The following PTP4A1 variants were observed in gnomAD, a reference collection of about 807,000 sequenced individuals.
PTP4A1 encodes the protein protein tyrosine phosphatase 4A1.
In PTP4A1, 9 loss-of-function variants were observed where a neutral mutation model predicts 20.5. That is an observed-to-expected ratio of 0.44 (90% CI 0.26 to 0.77). The LOEUF is 0.77. Ranked by LOEUF, PTP4A1 falls within the 30% of genes least tolerant of loss-of-function variation. The probability of loss-of-function intolerance (pLI) is 0.19; values close to 1 mark genes in which losing one functional copy is unlikely to be tolerated. For missense variants in PTP4A1, 137 were observed against 218.8 expected, an observed-to-expected ratio of 0.63 and a Z score of 2.36; for synonymous variants, 78 against 67.4, an observed-to-expected ratio of 1.16 and a Z score of -0.77.
intron 3 of PTP4A1, among the ~76,000 whole-genome samples, chr6:63,562,362 G>A (rs1371220348): frequency 6.6e-6 from 1 of 151,956 alleles, no homozygotes. Context: ...ACCACACCCA[G>A]CTAATTTTGT....
At chr6:63,528,810 G>A (rs752124366) in intron 2 of PTP4A1, among the ~76,000 whole-genome samples, 1 of 151,852 alleles carries the variant, frequency 6.6e-6, no homozygotes, top group Non-Finnish European at 1.5e-5. Context: ...CCTCCACAGA[G>A]TATTTATACT....
intron 1 of PTP4A1, among the ~76,000 whole-genome samples, chr6:63,574,302 G>A (rs748156719): frequency 6.6e-6 from 1 of 152,184 alleles, no homozygotes; most frequent in African/African-American, 2.4e-5. Flanking sequence ...TCTGCACAGA[G>A]ATTACTCTTT....
intron 3 of PTP4A1, among the ~76,000 whole-genome samples, chr6:63,552,208 T>C (rs1776478810): frequency 6.6e-6 from 1 of 152,240 alleles, no homozygotes; most frequent in African/African-American, 2.4e-5. Flanking sequence ...GCACCTGTTA[T>C]TTCAATGATT....
chr6:63,576,686 A>G lies in PTP4A1; in HGVS notation c.-195A>G. 4 of 600,034 alleles carry G rather than the reference A, an allele frequency of 6.7e-6. No homozygotes were observed. The highest frequency in any genetic ancestry group is 1.2e-5 in the Non-Finnish European group (4 of 342,210). The allele number at this position is 600,034 out of a possible 1,614,324, so 37.2% of individuals were successfully genotyped here. ...GCACTTCTTTTCTGTTGGCCTCAGT[A>G]TTACTGGATTGAAGAATTGCTGCTT... is the stretch of plus-strand genomic sequence containing the variant. On this transcript the variant is annotated 5_prime_UTR_variant, in exon 2 of 6. Transcript: ENST00000626021.
intron 3 of PTP4A1, among the ~76,000 whole-genome samples, chr6:63,558,092 G>A (rs1171326401): frequency 2.0e-5 from 3 of 151,914 alleles, no homozygotes; most frequent in Non-Finnish European, 4.4e-5. Context: ...GGCTGGTCTC[G>A]AACTCCTGAC....
At chr6:63,544,673 G>A (rs1776111892) in intron 2 of PTP4A1, among the ~76,000 whole-genome samples, 1 of 152,056 alleles carries the variant, frequency 6.6e-6, no homozygotes, top group Non-Finnish European at 1.5e-5. Context: ...ATTAGTACAA[G>A]CCAATTATAC....
At chr6:63,533,138 T>G (rs1339524626) in intron 2 of PTP4A1, among the ~76,000 whole-genome samples, 2 of 152,168 alleles carry the variant, frequency 1.3e-5, no homozygotes, top group Non-Finnish European at 2.9e-5. Flanking sequence ...TCCCAGCACT[T>G]TGGGAGGCTG....
chr6:63,538,063 T>A (rs1001741266), intron 2 of PTP4A1, among the ~76,000 whole-genome samples: 2 of 152,242 alleles, frequency 1.3e-5, no homozygotes, highest in African/African-American at 4.8e-5. Flanking sequence ...CTGAAATTAT[T>A]TTGCAAAATA....
At chr6:63,537,882 G>A (rs1277111994) in intron 2 of PTP4A1, among the ~76,000 whole-genome samples, 2 of 152,194 alleles carry the variant, frequency 1.3e-5, no homozygotes, top group Non-Finnish European at 2.9e-5. Flanking sequence ...TGAGAGAGAA[G>A]TTGGGGAGAA....
chr6:63,545,986 A>G (rs1409310983), intron 2 of PTP4A1, among the ~76,000 whole-genome samples: 2 of 152,262 alleles, frequency 1.3e-5, no homozygotes, highest in South Asian at 4.1e-4. Context: ...AATATTAAAA[A>G]TAGAACTATT....
chr6:63,540,162 G>C (rs1775895176), intron 2 of PTP4A1, among the ~76,000 whole-genome samples: 1 of 152,142 alleles, frequency 6.6e-6, no homozygotes, highest in Admixed American at 6.5e-5. Flanking sequence ...GATGGAATCT[G>C]GTGTGCATGG....
intron 2 of PTP4A1, among the ~76,000 whole-genome samples, chr6:63,541,021 T>TGAAGAAAG (rs1775947824): frequency 7.0e-6 from 1 of 142,742 alleles, no homozygotes; most frequent in South Asian, 2.2e-4. Context: ...AAGGAGGGAA[T>TGAAGAAAG]GAAGAAAGGA....
At position 63,544,037 on chromosome 6, in the gene PTP4A1, G is replaced by GC. The variant is rs983185705; in HGVS notation, c.-639-6258dup. Among the ~76,000 whole-genome samples, 6 of 151,960 alleles carry GC rather than the reference G, an allele frequency of 3.9e-5. No homozygotes were observed. In the East Asian group the frequency reaches 9.7e-4, roughly 25 times the overall value. On this transcript the variant is annotated intron_variant, in intron 2 of 3. Transcript: ENST00000639568. ...TTCCTTCACCACATTGTAATTCTCC[G>GC]CCCCCAACCCCGTATTTCATGTAGA...
At chr6:63,535,038 C>A (rs534879437) in intron 2 of PTP4A1, among the ~76,000 whole-genome samples, 12 of 151,974 alleles carry the variant, frequency 7.9e-5, no homozygotes, top group Admixed American at 4.6e-4. Flanking sequence ...CCAGCCTGGG[C>A]AACAAGAGTG....
intron 3 of PTP4A1, among the ~76,000 whole-genome samples, chr6:63,562,134 A>T (rs966625872): frequency 3.9e-5 from 6 of 152,072 alleles, no homozygotes; most frequent in Non-Finnish European, 8.8e-5. Flanking sequence ...CTATTTTTAT[A>T]GCATTTCTTT....
chr6:63,539,804 A>G (rs1014498126), intron 2 of PTP4A1, among the ~76,000 whole-genome samples: 1 of 152,170 alleles, frequency 6.6e-6, no homozygotes, highest in African/African-American at 2.4e-5. Flanking sequence ...TGAATAGGCA[A>G]TCTTCAGAAA....
chr6:63,579,106 AT>A, intron 4 of PTP4A1, 78 bp downstream of exon 4: 5 of 1,408,546 alleles, frequency 3.5e-6, no homozygotes, highest in Non-Finnish European at 4.7e-6. Flanking sequence ...AATTCTTATA[AT>A]TTTTTAATAT....
chr6:63,527,340 C>T (rs964359819), intron 1 of PTP4A1, among the ~76,000 whole-genome samples: 4 of 152,160 alleles, frequency 2.6e-5, no homozygotes, highest in Non-Finnish European at 4.4e-5. Context: ...CTTACAGATT[C>T]TCGTATCACC....
At chr6:63,522,019 C>A (rs1323332989) in intron 1 of PTP4A1, among the ~76,000 whole-genome samples, 1 of 152,216 alleles carries the variant, frequency 6.6e-6, no homozygotes, top group Non-Finnish European at 1.5e-5. Context: ...CCCAAGTAAT[C>A]TGTCTCCCTC....
Sources: gnomAD v4.1 joint callset for allele counts (sites outside exome capture counted in the v4.1 genomes callset) on GRCh38, gnomAD v4.1.1 for gene constraint, MANE v1.5 for transcripts, NCBI Gene and HGNC (gene_info 2026-07-23, HGNC 2026-07-21) for gene names.